ANKRD11: variants seen among roughly 807,000 people sequenced by gnomAD.
ANKRD11 encodes the protein ankyrin repeat domain 11.
A neutral mutation model predicts 195.7 loss-of-function variants in ANKRD11; 17 were observed. That is an observed-to-expected ratio of 0.09 (90% CI 0.06 to 0.13). The LOEUF (loss-of-function observed/expected upper bound fraction) is 0.13, where lower values mean the gene tolerates loss of function less well. ANKRD11 is among the 10% of genes least tolerant of loss of function. ANKRD11 has a pLI of 1.00. For synonymous variants in ANKRD11, 1,953 were observed against 1,528.1 expected, an observed-to-expected ratio of 1.28 and a Z score of -6.49; for missense variants, 3,735 against 3,566.1, an observed-to-expected ratio of 1.05 and a Z score of -1.21.
rs1014951455 is a variant in ANKRD11 at position 89,282,432 on chromosome 16, C to G, written c.4110G>C (p.Lys1370Asn). The G allele has an allele frequency of 1.9e-6, 3 of 1,614,102 alleles. No homozygotes were observed. The highest frequency in any genetic ancestry group is 2.5e-6 in the Non-Finnish European group (3 of 1,180,022). The change falls in exon 9 of 13, where the codon AAG becomes AAC. Residue 1370 changes from lysine (K) to asparagine (N), a missense_variant. Physicochemically the swap from Lys to Asn is moderately conservative, Grantham distance 94 (BLOSUM62 0). Coordinates refer to ENST00000301030, the MANE Select transcript of ANKRD11 (RefSeq NM_013275.6). ...CTTCGCCCTTCTCTTTCTTCTCGGC[C>G]TTCTCTTTCTTGGCTCGCTCTCGGT... The part of the protein sequence containing the change: ...SHDRERAKKE[K>N]AEKKEKGEDY...
At chr16:89,370,163 T>C (rs996769132) in intron 2 of ANKRD11, among the ~76,000 whole-genome samples, 11 of 152,196 alleles carry the variant, frequency 7.2e-5, no homozygotes, top group Non-Finnish European at 1.3e-4. Context: ...TTTGCATTCT[T>C]CCCCACGCCC....
chr16:89,476,665 C>CTTCTCCTCCTT (rs2057268910), intron 1 of ANKRD11, among the ~76,000 whole-genome samples: 1 of 152,078 alleles, frequency 6.6e-6, no homozygotes, highest in African/African-American at 2.4e-5. Flanking sequence ...CCAAAAAAGA[C>CTTCTCCTCCTT]TTCTCCTCCT....
intron 2 of ANKRD11, among the ~76,000 whole-genome samples, chr16:89,345,996 C>T (rs1381222952): frequency 6.6e-6 from 1 of 152,082 alleles, no homozygotes; most frequent in Non-Finnish European, 1.5e-5. Flanking sequence ...AATCCCAGCA[C>T]TTTGGGAGGC....
chr16:89,326,234 G>C (rs1410655120), intron 2 of ANKRD11, among the ~76,000 whole-genome samples: 1 of 152,222 alleles, frequency 6.6e-6, no homozygotes, highest in Non-Finnish European at 1.5e-5. Flanking sequence ...TTCCTCCAAG[G>C]CTTGCGAGGG....
At chr16:89,401,175 C>T (rs987695921) in intron 2 of ANKRD11, among the ~76,000 whole-genome samples, 1 of 140,586 alleles carries the variant, frequency 7.1e-6, no homozygotes, top group African/African-American at 2.6e-5. Flanking sequence ...CTCATTGCAA[C>T]CTCTGCCTCC....
chr16:89,317,295 A>G (rs1673853934), intron 2 of ANKRD11, among the ~76,000 whole-genome samples: 1 of 152,172 alleles, frequency 6.6e-6, no homozygotes, highest in South Asian at 2.1e-4. Context: ...CAGGAAGGAG[A>G]ACAGAGAAGG....
Position 89,444,297 on chromosome 16 carries a change from C to G in ANKRD11, c.-144-25929G>C, listed in dbSNP as rs541694776. Among the ~76,000 whole-genome samples the G allele has an allele frequency of 1.1e-4, 16 of 152,202 alleles. No individual in the cohort carries two copies. In the East Asian group the frequency reaches 2.3e-3, roughly 22 times the overall value. The stretch of plus-strand genomic sequence containing the variant: ...TGAGATAAATGCTCCTGCCCAAAGC[C>G]CACTCTAGCAATGCTTCCTCCCTGA... On this transcript the variant is annotated intron_variant, in intron 1 of 12. Transcript: ENST00000301030.
intron 1 of ANKRD11, among the ~76,000 whole-genome samples, chr16:89,430,321 C>G (rs1052417572): frequency 1.4e-5 from 2 of 144,700 alleles, no homozygotes; most frequent in East Asian, 2.1e-4. Context: ...TCAACTCTCG[C>G]GCTCAGACGT....
chr16:89,298,367 G>A (rs2035587598), intron 4 of ANKRD11: 1 of 152,338 alleles, frequency 6.6e-6, no homozygotes, highest in Admixed American at 6.5e-5. Flanking sequence ...AGGCCTGCCT[G>A]GCCGAATGCA....
At chr16:89,485,951 G>C (rs1053369622) in intron 1 of ANKRD11, among the ~76,000 whole-genome samples, 1 of 152,160 alleles carries the variant, frequency 6.6e-6, no homozygotes, top group Non-Finnish European at 1.5e-5. Flanking sequence ...GACCTTGATG[G>C]AAACGATGAG....
At chr16:89,312,245 C>T (rs75167441) in intron 3 of ANKRD11, among the ~76,000 whole-genome samples, 15,282 of 152,272 alleles carry the variant, frequency 0.1, 911 homozygotes, top group Middle Eastern at 0.19. Context: ...AGGAGCTCGG[C>T]GTTCACAGCA....
At chr16:89,317,190 G>A in intron 2 of ANKRD11, 112 bp from the exon 3 acceptor site, 2 of 821,464 alleles carry the variant, frequency 2.4e-6, no homozygotes, top group East Asian at 5.3e-5. Flanking sequence ...CAGCTGCTCT[G>A]ATCAGGGCTG....
chr16:89,301,535 G>C, intron 4 of ANKRD11: 1 of 398,946 alleles, frequency 2.5e-6, no homozygotes, highest in Non-Finnish European at 4.4e-6. Flanking sequence ...TCGGTGGGCA[G>C]AGCTGTCTTG....
chr16:89,269,720 C>CA (rs2032970175), intron 12 of ANKRD11, among the ~76,000 whole-genome samples: 1 of 152,072 alleles, frequency 6.6e-6, no homozygotes, highest in Non-Finnish European at 1.5e-5. Flanking sequence ...TCTCATGCCT[C>CA]AGTCTCCCGG....
Position 89,281,326 on chromosome 16 carries a change from C to T in ANKRD11, c.5216G>A (p.Cys1739Tyr), listed in dbSNP as rs757264535. The T allele has an allele frequency of 7.0e-5, 113 of 1,613,608 alleles. No homozygotes were observed. The highest frequency in any genetic ancestry group is 1.6e-4 in the Middle Eastern group (1 of 6,084). ...ADDYADLVFD[C>Y]ADSQHSTPVP... ...GGGCGTGGAGTGCTGCGAGTCGGCGCAGTCGAACACGAGGTCCGCGTAGTC... is the reference window on the plus strand; with the variant it reads ...GGGCGTGGAGTGCTGCGAGTCGGCGTAGTCGAACACGAGGTCCGCGTAGTC... The change falls in exon 9 of 13, where the codon TGC becomes TAC. Residue 1739 changes from cysteine (C) to tyrosine (Y), a missense_variant. By Grantham distance (194) the Cys-to-Tyr change is radical. Transcript: ENST00000301030. This position sits in a 1 kb window ranked among gnomAD's most constrained non-coding sequence, Gnocchi z 5.5.
intron 1 of ANKRD11, among the ~76,000 whole-genome samples, chr16:89,453,142 T>C (rs768434248): frequency 2.0e-5 from 3 of 152,232 alleles, no homozygotes; most frequent in Non-Finnish European, 4.4e-5. Context: ...GTTTTCATAA[T>C]AGTATTTAAC....
intron 2 of ANKRD11, among the ~76,000 whole-genome samples, chr16:89,331,908 G>A (rs936466859): frequency 5.3e-5 from 8 of 152,194 alleles, no homozygotes; most frequent in African/African-American, 1.7e-4. Context: ...GCTCCTGCAC[G>A]TGGGCCCCAC....
At chr16:89,349,214 A>C (rs1208775702) in intron 2 of ANKRD11, among the ~76,000 whole-genome samples, 1 of 151,638 alleles carries the variant, frequency 6.6e-6, no homozygotes, top group Non-Finnish European at 1.5e-5. Context: ...AGAATCGATA[A>C]ATAGAATGAT....
At chr16:89,473,330 C>T (rs561681161) in intron 1 of ANKRD11, among the ~76,000 whole-genome samples, 1 of 152,288 alleles carries the variant, frequency 6.6e-6, no homozygotes, top group South Asian at 2.1e-4. Context: ...CCAATCTCTG[C>T]CTAGAGAATA....
Sources: allele counts gnomAD v4.1 joint callset (sites outside exome capture counted in the v4.1 genomes callset), GRCh38; gene constraint gnomAD v4.1.1; non-coding constraint Gnocchi (gnomAD v3.1); transcripts MANE v1.5; gene names NCBI Gene and HGNC (gene_info 2026-07-23, HGNC 2026-07-21).